Variants in SI observed in about 807,000 individuals in gnomAD.
The protein encoded by SI is sucrase-isomaltase, also known as sucrase-isomaltase, intestinal.
Under a neutral mutation model 253.3 loss-of-function variants are expected in SI, and 235 were observed. The observed-to-expected ratio is 0.93, with a 90% confidence interval of 0.83 to 1.03. SI has a LOEUF of 1.03. Ranked by LOEUF, SI falls within the 50% of genes least tolerant of loss-of-function variation. SI has a pLI of 0.00. For synonymous variants in SI, 819 were observed against 712.0 expected (o/e 1.15, Z -2.39); for missense variants, 2,442 against 2,211.1 (o/e 1.10, Z -2.09).
At position 165,019,597 on chromosome 3, in the gene SI, C is replaced by A; in HGVS notation, c.3423+5G>T. On this transcript the variant is annotated splice_donor_5th_base_variant and intron_variant, in intron 28 of 47. Transcript: ENST00000264382. ...CTCGTGGAGTGGTCATATGTTGGTA[C>A]CTACACCAGGGGGTTGGTCTCTTGT... 2 of 1,611,810 alleles carry A rather than the reference C, an allele frequency of 1.2e-6. No homozygotes were observed. The highest frequency in any genetic ancestry group is 1.7e-6 in the Non-Finnish European group (2 of 1,178,478).
chr3:165,004,068 C>A (rs997151928), intron 37 of SI, among the ~76,000 whole-genome samples: 2 of 151,874 alleles, frequency 1.3e-5, no homozygotes, highest in Admixed American at 6.6e-5. Context: ...GATTAATGAC[C>A]AGAATATATA....
chr3:165,040,716 C>CT (rs1259112285), intron 18 of SI, among the ~76,000 whole-genome samples: 1 of 151,840 alleles, frequency 6.6e-6, no homozygotes, highest in Non-Finnish European at 1.5e-5. Flanking sequence ...TTTTATATAT[C>CT]TTTTCCTTGT....
chr3:165,005,734 T>G (rs984451278), intron 37 of SI, among the ~76,000 whole-genome samples: 1 of 152,180 alleles, frequency 6.6e-6, no homozygotes, highest in African/African-American at 2.4e-5. Context: ...CCCAGAATTA[T>G]AGATGATTTC....
chr3:165,053,264 T>G (rs1713523877), intron 13 of SI, among the ~76,000 whole-genome samples: 1 of 152,066 alleles, frequency 6.6e-6, no homozygotes, highest in Non-Finnish European at 1.5e-5. Flanking sequence ...CCCAAAGTGA[T>G]TTTAATATTT....
chr3:165,006,859 C>T lies in SI; in HGVS notation c.4363G>A (p.Val1455Ile), dbSNP rs1718536227. The T allele has an allele frequency of 6.2e-7, 1 of 1,612,608 alleles. No homozygotes were observed. Among genetic ancestry groups the T allele is most frequent in the African/African-American group, 1.3e-5 (1 of 74,986 alleles). ...TGTGACCATCCATAGAGATTGTGAACATCGTAATGCAAAACTGATGTTCCA... is the reference window on the plus strand; with the variant it reads ...TGTGACCATCCATAGAGATTGTGAATATCGTAATGCAAAACTGATGTTCCA... ...SDGTSVLHYD[V>I]HNLYGWSQMK... The change falls in exon 37 of 48, where the codon GTT (valine) becomes ATT (isoleucine). Residue 1455 changes from valine (V) to isoleucine (I), a missense_variant. Coordinates refer to ENST00000264382, the MANE Select transcript of SI (RefSeq NM_001041.4).
intron 37 of SI, among the ~76,000 whole-genome samples, chr3:164,999,328 GA>G (rs908215733): frequency 6.6e-4 from 99 of 151,122 alleles, no homozygotes; most frequent in African/African-American, 2.3e-3. Flanking sequence ...TCTAGTTTTA[GA>G]AAAAAAATAA....
At position 165,059,008 on chromosome 3, in the gene SI, A is replaced by G; in HGVS notation, c.1353T>C (p.His451=). Residue 451 remains histidine, a synonymous_variant, in exon 12 of 48, where the codon CAT becomes CAC. Transcript: ENST00000264382. ...YATYERGNTQ[H]VWINESDGST... is the part of the protein sequence containing the mutation. ...TTCCATCTGACTCATTTATCCACACATGTTGTGTGTTTCCCCTCTCATAGG... is the reference window on the plus strand; with the variant it reads ...TTCCATCTGACTCATTTATCCACACGTGTTGTGTGTTTCCCCTCTCATAGG... 1 of 1,612,208 alleles carries G rather than the reference A, an allele frequency of 6.2e-7. No individual in the cohort carries two copies. The highest frequency in any genetic ancestry group is 8.5e-7 in the Non-Finnish European group (1 of 1,178,844).
chr3:165,067,610 A>G (rs1714315354), intron 5 of SI, 119 bp from the exon 6 acceptor site: 2 of 880,340 alleles, frequency 2.3e-6, no homozygotes, highest in Non-Finnish European at 3.7e-6. Context: ...GTTTCATAGA[A>G]GAGTATTAAT....
chr3:165,004,013 C>T (rs1430431776), intron 37 of SI, among the ~76,000 whole-genome samples: 2 of 151,856 alleles, frequency 1.3e-5, no homozygotes, highest in Non-Finnish European at 2.9e-5. Context: ...AAAAGACAAA[C>T]CACAGAATGG....
At chr3:164,989,211 G>A (rs1426529620) in intron 44 of SI, among the ~76,000 whole-genome samples, 1 of 151,266 alleles carries the variant, frequency 6.6e-6, no homozygotes, top group Non-Finnish European at 1.5e-5. Flanking sequence ...CTAGGCGTCT[G>A]GCAGGCACCT....
intron 17 of SI, among the ~76,000 whole-genome samples, chr3:165,042,168 A>T (rs1576904540): frequency 6.6e-6 from 1 of 152,128 alleles, no homozygotes; most frequent in East Asian, 1.9e-4. Context: ...ATACAAGTGA[A>T]CGCAGAGTGT....
chr3:165,009,233 T>C (rs749277503), intron 35 of SI, 46 bp downstream of exon 35: 2 of 1,298,868 alleles, frequency 1.5e-6, no homozygotes, highest in South Asian at 2.4e-5. Flanking sequence ...GCATAATCAC[T>C]GCACAATAAA....
chr3:164,998,751 A>G, intron 37 of SI, 78 bp from the exon 38 acceptor site: 1 of 1,126,316 alleles, frequency 8.9e-7, no homozygotes, highest in Non-Finnish European at 1.3e-6. Flanking sequence ...ACTACTTTGT[A>G]AAAAAAAATA....
rs533096377 is a variant in SI, at chr3:165,060,608, A to T, written c.1021-581T>A. ...CTTCATTTCTTCCTCCTGGGGACAAATGGATCGCCATCTCTTCCTATTTCT... is the reference window on the plus strand; with the variant it reads ...CTTCATTTCTTCCTCCTGGGGACAATTGGATCGCCATCTCTTCCTATTTCT... On this transcript the variant is annotated intron_variant, in intron 9 of 47. Coordinates refer to ENST00000264382, the MANE Select transcript of SI (RefSeq NM_001041.4). Among the ~76,000 whole-genome samples, 35 of 151,728 alleles carry T rather than the reference A, an allele frequency of 2.3e-4. No individual in the cohort carries two copies. The East Asian group carries it at 4.7e-3, about 20-fold the overall frequency.
intron 16 of SI, among the ~76,000 whole-genome samples, chr3:165,044,386 A>G (rs930917506): frequency 6.6e-6 from 1 of 151,968 alleles, no homozygotes; most frequent in African/African-American, 2.4e-5. Context: ...CAAGCACTAT[A>G]TAGCACACGA....
chr3:165,077,080 A>G (rs1715043791), intron 1 of SI, among the ~76,000 whole-genome samples: 2 of 148,528 alleles, frequency 1.3e-5, no homozygotes, highest in African/African-American at 5.0e-5. Context: ...TCCTTCTTCC[A>G]TATGTTTTAC....
rs1576867393 is a variant in SI, at chr3:164,987,237, G to T, written c.5109-11C>A. Reference sequence around the variant, plus strand: ...ATGTGTTTTTGTCGACTATAAGAAAGAAATATATAATTTTACCCATGTTTG... The same window carrying T: ...ATGTGTTTTTGTCGACTATAAGAAATAAATATATAATTTTACCCATGTTTG... On this transcript the variant is annotated splice_polypyrimidine_tract_variant and intron_variant, in intron 44 of 47. Transcript: ENST00000264382. 3.7e-6 allele frequency: 6 copies of T among 1,605,692 alleles called. No homozygotes were observed. The highest frequency in any genetic ancestry group is 1.1e-5 in the South Asian group (1 of 90,878).
At position 165,011,582 on chromosome 3, in the gene SI, C is replaced by T. The variant is rs142103277; in HGVS notation, c.4062+1398G>A. ...CTTGAGAAGAATGTATATATGGCTG[C>T]TTTTGGGTAGAAAGTTCTACGTATG... On this transcript the variant is annotated intron_variant, in intron 34 of 47. Coordinates refer to ENST00000264382, the MANE Select transcript of SI (RefSeq NM_001041.4). Among the ~76,000 whole-genome samples, 100 of 152,028 alleles carry T rather than the reference C, an allele frequency of 6.6e-4. 1 individual carries two copies. The East Asian group carries it at 0.017, about 26-fold the overall frequency.
At chr3:165,036,552 CT>C in intron 21 of SI, 75 bp from the exon 22 acceptor site, 1 of 992,892 alleles carries the variant, frequency 1.0e-6, no homozygotes. Flanking sequence ...AACAAGTCCA[CT>C]TCAACCTGTC....
Sources: gnomAD v4.1 joint callset for allele counts (sites outside exome capture counted in the v4.1 genomes callset) on GRCh38, gnomAD v4.1.1 for gene constraint, MANE v1.5 for transcripts, NCBI Gene and HGNC (gene_info 2026-07-23, HGNC 2026-07-21) for gene names.